The following SMARCA5 variants were observed in gnomAD, a reference collection of about 807,000 sequenced individuals.
SMARCA5 encodes the protein SNF2 related chromatin remodeling ATPase 5, also known as SWI/SNF-related matrix-associated actin-dependent regulator of chromatin subfamily A member 5.
In SMARCA5, 18 loss-of-function variants were observed where a neutral mutation model predicts 140.4. The ratio of observed to expected loss-of-function variants is 0.13; its 90% CI spans 0.09 to 0.19. SMARCA5 has a LOEUF of 0.19. Among genes scored for constraint, SMARCA5 ranks in the 10% least tolerant of loss-of-function variants. The pLI, the probability that SMARCA5 is intolerant of heterozygous loss-of-function variation, is 1.00. For missense variants in SMARCA5, 606 were observed against 1,276.8 expected (o/e 0.47, Z 8.01); for synonymous variants, 449 against 419.6 (o/e 1.07, Z -0.86).
chr4:143,513,806 G>A lies in SMARCA5; in HGVS notation c.-119G>A. ...GGAGGCGCGGCGCAGGGGAGCGCTC[G>A]GGTGGGAGTCTCGCTCCTCCACCAG... On this transcript the variant is annotated 5_prime_UTR_variant, in exon 1 of 24. Coordinates refer to ENST00000283131, the MANE Select transcript of SMARCA5 (RefSeq NM_003601.4). 3 of 1,192,928 alleles carry A rather than the reference G, an allele frequency of 2.5e-6. No individual in the cohort carries two copies. Among genetic ancestry groups the A allele is most frequent in the Non-Finnish European group, 3.5e-6 (3 of 866,870 alleles). The allele number at this position is 1,192,928 out of a possible 1,614,324, so 73.9% of individuals were successfully genotyped here.
chr4:143,521,414 ATTTT>A lies in SMARCA5; in HGVS notation c.253-7_253-4del. 3 of 1,293,472 alleles carry A rather than the reference ATTTT, an allele frequency of 2.3e-6. No homozygotes were observed. Among genetic ancestry groups the A allele is most frequent in the Non-Finnish European group, 3.2e-6 (3 of 942,098 alleles). 80.1% of individuals were successfully genotyped at this position (1,293,472 alleles called of 1,614,324 possible). ...GATACTCTGATAAAATGTATCTTAA[ATTTT>A]TTTTTTTCAGCAAACTGACCGGGCA... On this transcript the variant is annotated splice_polypyrimidine_tract_variant and intron_variant, in intron 2 of 23. Coordinates refer to ENST00000283131, the MANE Select transcript of SMARCA5 (RefSeq NM_003601.4).
At chr4:143,544,896 A>AG (rs1180769498) in intron 17 of SMARCA5, 49 bp downstream of exon 17, 2 of 951,104 alleles carry the variant, frequency 2.1e-6, no homozygotes, top group Non-Finnish European at 3.3e-6. Flanking sequence ...TTGAAAATGT[A>AG]ATTTTTTTCA....
intron 14 of SMARCA5, among the ~76,000 whole-genome samples, chr4:143,542,776 A>G (rs1355143919): frequency 6.6e-6 from 1 of 152,192 alleles, no homozygotes; most frequent in African/African-American, 2.4e-5. Context: ...CTGCCAACTG[A>G]AAATATTTAT....
intron 22 of SMARCA5, among the ~76,000 whole-genome samples, chr4:143,548,551 T>C (rs1315501388): frequency 2.6e-5 from 4 of 152,128 alleles, no homozygotes; most frequent in African/African-American, 9.6e-5. Context: ...CTTATTATAG[T>C]GAAACACTAC....
intron 10 of SMARCA5, 130 bp from the exon 11 acceptor site, chr4:143,536,322 C>T (rs560279070): frequency 4.6e-6 from 3 of 652,110 alleles, no homozygotes; most frequent in South Asian, 1.9e-5. Flanking sequence ...CCTAACCATA[C>T]CTAGAAGTTG....
Position 143,531,789 on chromosome 4 carries a change from A to C in SMARCA5, c.1158+1263A>C, listed in dbSNP as rs79539540. ...TTCTGTAAACATTGTGGTAATTCTAATCTATTTTTGCTTATCATTTTTGCT... is the reference window on the plus strand; with the variant it reads ...TTCTGTAAACATTGTGGTAATTCTACTCTATTTTTGCTTATCATTTTTGCT... On this transcript the variant is annotated intron_variant, in intron 9 of 23. Coordinates refer to ENST00000283131, the MANE Select transcript of SMARCA5 (RefSeq NM_003601.4). Among the ~76,000 whole-genome samples, 446 of 152,240 alleles carry C rather than the reference A, an allele frequency of 2.9e-3. 1 individual carries two copies. Among genetic ancestry groups the C allele is most frequent in the Non-Finnish European group, 4.7e-3 (318 of 68,010 alleles).
At chr4:143,526,570 T>C in intron 6 of SMARCA5, 110 bp downstream of exon 6, 2 of 720,302 alleles carry the variant, frequency 2.8e-6, no homozygotes. Context: ...TTCGCAAATA[T>C]TAGTATTTAC....
chr4:143,542,444 A>C (rs572003715), intron 14 of SMARCA5, among the ~76,000 whole-genome samples: 1 of 152,344 alleles, frequency 6.6e-6, no homozygotes, highest in South Asian at 2.1e-4. Flanking sequence ...AGTAGTTTGT[A>C]TAAGCATAAG....
intron 6 of SMARCA5, among the ~76,000 whole-genome samples, chr4:143,527,294 A>G (rs575215243): frequency 5.3e-4 from 80 of 152,146 alleles, no homozygotes; most frequent in Non-Finnish European, 9.4e-4. Flanking sequence ...TTTCCTCTTC[A>G]TTTACCTGTG....
intron 6 of SMARCA5, among the ~76,000 whole-genome samples, 194 bp downstream of exon 6, chr4:143,526,654 G>A (rs778177626): frequency 1.3e-5 from 2 of 152,100 alleles, no homozygotes; most frequent in Non-Finnish European, 2.9e-5. Flanking sequence ...GAGGTCAGGA[G>A]ATCGAGACCA....
chr4:143,525,387 G>A, intron 4 of SMARCA5, 64 bp from the exon 5 acceptor site: 3 of 965,702 alleles, frequency 3.1e-6, no homozygotes, highest in Non-Finnish European at 5.1e-6. Context: ...TGTAGGCTTA[G>A]ATGAAGAGAT....
At chr4:143,530,411 G>GT in intron 8 of SMARCA5, 47 bp from the exon 9 acceptor site, 2 of 1,253,740 alleles carry the variant, frequency 1.6e-6, no homozygotes, top group Non-Finnish European at 2.3e-6. Flanking sequence ...TAGGGTATTT[G>GT]TTAATATTAT....
intron 3 of SMARCA5, among the ~76,000 whole-genome samples, chr4:143,523,202 T>C (rs1736998284): frequency 6.6e-6 from 1 of 152,122 alleles, no homozygotes; most frequent in Non-Finnish European, 1.5e-5. Context: ...CATTTTTGTA[T>C]TTTTGGTAGA....
chr4:143,534,599 G>A (rs1255755614), intron 9 of SMARCA5, among the ~76,000 whole-genome samples: 1 of 152,032 alleles, frequency 6.6e-6, no homozygotes, highest in Non-Finnish European at 1.5e-5. Flanking sequence ...ATGTTTGTAG[G>A]TTATATGCAA....
At chr4:143,534,471 G>A (rs555633888) in intron 9 of SMARCA5, among the ~76,000 whole-genome samples, 105 of 152,168 alleles carry the variant, frequency 6.9e-4, no homozygotes, top group Middle Eastern at 3.4e-3. Context: ...TAAATATACC[G>A]ACCTTTTCCT....
At chr4:143,537,358 G>A (rs760597764) in intron 11 of SMARCA5, among the ~76,000 whole-genome samples, 1 of 152,170 alleles carries the variant, frequency 6.6e-6, no homozygotes, top group African/African-American at 2.4e-5. Flanking sequence ...TAAGTGTGCA[G>A]ATTCAAGTTT....
intron 9 of SMARCA5, among the ~76,000 whole-genome samples, chr4:143,532,876 G>T (rs1243339734): frequency 6.6e-6 from 1 of 152,156 alleles, no homozygotes; most frequent in Non-Finnish European, 1.5e-5. Flanking sequence ...GAAGAGAACC[G>T]GTGGGGCTAA....
At chr4:143,523,825 A>G (rs531788441) in intron 3 of SMARCA5, among the ~76,000 whole-genome samples, 4 of 152,352 alleles carry the variant, frequency 2.6e-5, no homozygotes, top group African/African-American at 9.6e-5. Context: ...CAAGCCCTTT[A>G]GAGATTAATT....
chr4:143,545,654 A>T, intron 18 of SMARCA5, 71 bp downstream of exon 18: 3 of 961,824 alleles, frequency 3.1e-6, no homozygotes, highest in Non-Finnish European at 4.8e-6. Flanking sequence ...ATTAGTTATA[A>T]ATATTTATCT....
Sources: gnomAD v4.1 joint callset for allele counts (sites outside exome capture counted in the v4.1 genomes callset) on GRCh38, gnomAD v4.1.1 for gene constraint, MANE v1.5 for transcripts, NCBI Gene and HGNC (gene_info 2026-07-23, HGNC 2026-07-21) for gene names.